The following ZRANB3 variants were observed in gnomAD, a reference collection of about 807,000 sequenced individuals.
ZRANB3 encodes DNA annealing helicase and endonuclease ZRANB3.
ZRANB3 carries 125 observed loss-of-function variants against 133.8 expected under a neutral mutation model. The observed-to-expected ratio is 0.93, with a 90% CI of 0.81 to 1.08. The LOEUF (loss-of-function observed/expected upper bound fraction) is 1.08. Among genes scored for constraint, ZRANB3 ranks in the 50% least tolerant of loss-of-function variants. The probability of loss-of-function intolerance (pLI) is 0.00; values close to 1 mark genes in which losing one functional copy is unlikely to be tolerated. For synonymous variants in ZRANB3, 387 were observed against 432.7 expected (o/e 0.89, Z 1.31); for missense variants, 1,229 against 1,275.5 (o/e 0.96, Z 0.56).
chr2:135,227,663 A>T, intron 14 of ZRANB3, 149 bp downstream of exon 14: 1 of 754,638 alleles, frequency 1.3e-6, no homozygotes, highest in Non-Finnish European at 2.1e-6. Context: ...TCTGGTGTTT[A>T]AGTATGTGGT....
chr2:135,254,682 G>C (rs1679565664), intron 12 of ZRANB3, among the ~76,000 whole-genome samples: 1 of 152,052 alleles, frequency 6.6e-6, no homozygotes, highest in Non-Finnish European at 1.5e-5. Flanking sequence ...CCCTTTTATA[G>C]TGTCCAATTC....
intron 8 of ZRANB3, among the ~76,000 whole-genome samples, chr2:135,310,006 G>A (rs1445275626): frequency 3.3e-5 from 5 of 151,926 alleles, no homozygotes; most frequent in Non-Finnish European, 5.9e-5. Context: ...TCATGATCTC[G>A]GCTCACTGCA....
intron 16 of ZRANB3, 150 bp downstream of exon 16, chr2:135,218,927 C>T (rs1694424429): frequency 5.7e-6 from 3 of 523,178 alleles, no homozygotes; most frequent in Admixed American, 4.1e-5. Context: ...TAATAGGCAC[C>T]ACCTAGAATG....
Position 135,275,585 on chromosome 2 carries a change from T to C in ZRANB3, c.1086+51A>G, listed in dbSNP as rs1680770964. 4.8e-6 allele frequency: 7 copies of C among 1,464,216 alleles called. No homozygotes were observed. In the East Asian group the frequency reaches 1.5e-4, roughly 31 times the overall value. 90.7% of individuals were successfully genotyped at this position (1,464,216 alleles called of 1,614,324 possible). On this transcript the variant is annotated intron_variant, in intron 9 of 20. Coordinates refer to ENST00000264159, the MANE Select transcript of ZRANB3 (RefSeq NM_032143.4). ...ATGAGACTACAACTGATGTTTAGTATAGTAAAAATATGCATTCTAAAAAGT... is the reference window on the plus strand; with the variant it reads ...ATGAGACTACAACTGATGTTTAGTACAGTAAAAATATGCATTCTAAAAAGT...
rs143809431 is a variant in ZRANB3, at chr2:135,475,205, A to G, written c.161+29124T>C. Among the ~76,000 whole-genome samples, 8 of 152,266 alleles carry G rather than the reference A, an allele frequency of 5.3e-5. No individual in the cohort carries two copies. The East Asian group carries it at 1.5e-3, about 29-fold the overall frequency. ...CTTCTGTATTTTGTAACTATTCCCC[A>G]ATTTCTAGTTTCTGAATAGAAAAAA... On this transcript the variant is annotated intron_variant, in intron 2 of 20. Transcript: ENST00000264159.
At chr2:135,502,822 T>A (rs1693007364) in intron 2 of ZRANB3, among the ~76,000 whole-genome samples, 1 of 152,204 alleles carries the variant, frequency 6.6e-6, no homozygotes, top group East Asian at 1.9e-4. Context: ...ATGTCTAGGC[T>A]GGAAAAACTG....
At chr2:135,403,862 CA>C (rs753503745) in intron 2 of ZRANB3, among the ~76,000 whole-genome samples, 2 of 152,216 alleles carry the variant, frequency 1.3e-5, no homozygotes, top group African/African-American at 2.4e-5. Context: ...GGACCTCCAG[CA>C]AACTCCAACA....
intron 1 of ZRANB3, among the ~76,000 whole-genome samples, chr2:135,530,208 CAA>C (rs371430339): frequency 2.5e-4 from 26 of 102,498 alleles, no homozygotes; most frequent in Admixed American, 5.6e-4. Flanking sequence ...GACTCCGTCT[CAA>C]AAAAAAAAAA....
At chr2:135,234,134 C>T (rs866583619) in intron 12 of ZRANB3, among the ~76,000 whole-genome samples, 4 of 151,986 alleles carry the variant, frequency 2.6e-5, no homozygotes, top group African/African-American at 2.4e-5. Context: ...AAAAGGCAGG[C>T]GTTGCAATCC....
Position 135,202,889 on chromosome 2 carries a change from TC to T in ZRANB3, c.3083del (p.Gly1028GlufsTer32). 1.2e-6 allele frequency: 2 copies of T among 1,611,872 alleles called. No individual in the cohort carries two copies. Among genetic ancestry groups the T allele is most frequent in the Non-Finnish European group, 1.7e-6 (2 of 1,178,986 alleles). ...QVDHIKPVYGGGGQCSLDNLQ... is the reference protein window; with the variant it reads ...QVDHIKPVYGXGGQCSLDNLQ... ...GGTTGTCCAGGGAACACTGTCCTCCTCCCCCATACACTGGCTTGATGTGATC... is the reference window on the plus strand; with the variant it reads ...GGTTGTCCAGGGAACACTGTCCTCCTCCCCATACACTGGCTTGATGTGATC... On this transcript the variant is annotated frameshift_variant, in exon 20 of 21. Transcript: ENST00000264159. LOFTEE classifies it high-confidence loss of function.
intron 2 of ZRANB3, among the ~76,000 whole-genome samples, chr2:135,499,108 G>C (rs912566795): frequency 6.6e-6 from 1 of 152,014 alleles, no homozygotes; most frequent in Non-Finnish European, 1.5e-5. Flanking sequence ...TTGCAGCTTG[G>C]GGGGCATCAC....
chr2:135,391,568 G>A (rs1366339776), intron 2 of ZRANB3, among the ~76,000 whole-genome samples: 1 of 151,052 alleles, frequency 6.6e-6, no homozygotes, highest in African/African-American at 2.4e-5. Context: ...TTTAAGATGA[G>A]TTTTTATTTC....
At chr2:135,343,851 A>C (rs1684805322) in intron 6 of ZRANB3, among the ~76,000 whole-genome samples, 1 of 150,236 alleles carries the variant, frequency 6.7e-6, no homozygotes, top group Admixed American at 6.6e-5. Flanking sequence ...CATTGGCAAG[A>C]ATAAAATAAT....
intron 3 of ZRANB3, among the ~76,000 whole-genome samples, chr2:135,368,329 T>G (rs1686026308): frequency 6.6e-6 from 1 of 152,026 alleles, no homozygotes; most frequent in Non-Finnish European, 1.5e-5. Flanking sequence ...TACTAATAAC[T>G]ACAACAATAA....
At chr2:135,366,277 A>T (rs1465336147) in intron 3 of ZRANB3, among the ~76,000 whole-genome samples, 1 of 152,110 alleles carries the variant, frequency 6.6e-6, no homozygotes, top group South Asian at 2.1e-4. Flanking sequence ...TATTAAAAAG[A>T]GGGAGAAAGA....
intron 5 of ZRANB3, among the ~76,000 whole-genome samples, chr2:135,347,888 A>G (rs1277603250): frequency 1.3e-5 from 2 of 152,244 alleles, no homozygotes; most frequent in South Asian, 4.1e-4. Flanking sequence ...TCAATAACCT[A>G]ATTTTTCACC....
intron 3 of ZRANB3, among the ~76,000 whole-genome samples, chr2:135,370,707 A>T (rs759963085): frequency 1.3e-5 from 2 of 152,216 alleles, no homozygotes; most frequent in Non-Finnish European, 2.9e-5. Context: ...CTTTATGTAT[A>T]TTCTCAGTTG....
intron 2 of ZRANB3, among the ~76,000 whole-genome samples, chr2:135,483,288 T>C (rs568110349): frequency 6.6e-6 from 1 of 152,352 alleles, no homozygotes; most frequent in African/African-American, 2.4e-5. Flanking sequence ...ATTGCCACAA[T>C]TTCAGATCCT....
intron 3 of ZRANB3, among the ~76,000 whole-genome samples, chr2:135,375,168 G>A (rs767677217): frequency 6.6e-6 from 1 of 152,180 alleles, no homozygotes; most frequent in Non-Finnish European, 1.5e-5. Context: ...GGTCTTGGCC[G>A]GGTGCAGTGG....
Sources: gnomAD v4.1 joint callset for allele counts (sites outside exome capture counted in the v4.1 genomes callset) on GRCh38, gnomAD v4.1.1 for gene constraint, MANE v1.5 for transcripts, NCBI Gene and HGNC (gene_info 2026-07-23, HGNC 2026-07-21) for gene names.